The following LMO7 variants were observed in gnomAD, a reference collection of about 807,000 sequenced individuals.
LMO7 encodes LIM domain 7.
In LMO7, 120 loss-of-function variants were observed where a neutral mutation model predicts 206.5. The observed-to-expected ratio is 0.58, with a 90% CI of 0.50 to 0.68. The LOEUF (loss-of-function observed/expected upper bound fraction) is 0.68. Among genes scored for constraint, LMO7 ranks in the 30% least tolerant of loss-of-function variants. LMO7 has a pLI of 0.00. For synonymous variants in LMO7, 706 were observed against 681.5 expected, an observed-to-expected ratio of 1.04 and a Z score of -0.56; for missense variants, 1,959 against 1,957.9, an observed-to-expected ratio of 1.00 and a Z score of -0.01.
chr13:75,859,741 G>A lies in LMO7; in HGVS notation c.*1798G>A, dbSNP rs1309661878. 4 of 152,108 alleles carry A rather than the reference G, an allele frequency of 2.6e-5. No individual in the cohort carries two copies. The highest frequency in any genetic ancestry group is 7.2e-5 in the African/African-American group (3 of 41,416). 9.4% of individuals were successfully genotyped at this position (152,108 alleles called of 1,614,324 possible). A position where few individuals can be genotyped will look rare whatever the true frequency, so the allele number is the denominator to read the frequency against. ...TGGCTTCGACTCCTATAAGCAGCAC[G>A]TGGGCTTGTTCATCTCACTGCATGT... On this transcript the variant is annotated 3_prime_UTR_variant, in exon 31 of 31. Coordinates refer to ENST00000377534, the MANE Select transcript of LMO7 (RefSeq NM_001306080.2).
chr13:75,816,992 A>T, intron 11 of LMO7, 169 bp from the exon 12 acceptor site: 1 of 469,750 alleles, frequency 2.1e-6, no homozygotes, highest in East Asian at 3.3e-5. Context: ...CTTGTTTCTG[A>T]GTTTTGGAAA....
chr13:75,620,648 T>C (rs182941279), exon 1 of LMO7: 5 of 152,274 alleles, frequency 3.3e-5, no homozygotes, highest in East Asian at 1.9e-4. Flanking sequence ...TAGAACCCAG[T>C]TGGGGAAGTG....
chr13:75,852,784 TGCCCAACTGTAG>T (rs2060598186), intron 27 of LMO7, among the ~76,000 whole-genome samples: 1 of 152,226 alleles, frequency 6.6e-6, no homozygotes, highest in African/African-American at 2.4e-5. Context: ...TGCTTGATTT[TGCCCAACTGTAG>T]GCTAAGGTAA....
At chr13:75,658,629 G>C (rs895440397) in intron 1 of LMO7, among the ~76,000 whole-genome samples, 7 of 152,214 alleles carry the variant, frequency 4.6e-5, no homozygotes, top group Admixed American at 3.9e-4. Flanking sequence ...TGTCGCCCAG[G>C]CTGGAGTGCA....
intron 1 of LMO7, among the ~76,000 whole-genome samples, chr13:75,687,016 T>C (rs910637104): frequency 6.6e-6 from 1 of 152,152 alleles, no homozygotes; most frequent in Non-Finnish European, 1.5e-5. Flanking sequence ...TACCTCCTAA[T>C]ACTGTCACAT....
At chr13:75,723,406 G>T (rs1226955989) in intron 2 of LMO7, among the ~76,000 whole-genome samples, 1 of 152,070 alleles carries the variant, frequency 6.6e-6, no homozygotes, top group African/African-American at 2.4e-5. Flanking sequence ...TTGATATGTT[G>T]TTCAATGTCA....
intron 3 of LMO7, among the ~76,000 whole-genome samples, chr13:75,756,210 A>G (rs1416478050): frequency 1.3e-5 from 2 of 152,174 alleles, no homozygotes; most frequent in Non-Finnish European, 2.9e-5. Flanking sequence ...GCAAGAGACC[A>G]AGGTAGAGAA....
At chr13:75,672,240 A>ATT (rs568135884) in intron 1 of LMO7, among the ~76,000 whole-genome samples, 31 of 131,580 alleles carry the variant, frequency 2.4e-4, no homozygotes, top group Non-Finnish European at 3.4e-4. Flanking sequence ...TTAAAAAAAG[A>ATT]TTTTTTTTTT....
chr13:75,633,320 T>C (rs145706742), upstream of LMO7, among the ~76,000 whole-genome samples: 48 of 152,312 alleles, frequency 3.2e-4, no homozygotes, highest in African/African-American at 1.1e-3. Context: ...ACAGTTGTAT[T>C]CCTGAAGCTT....
chr13:75,708,304 G>T (rs2042809490), intron 1 of LMO7, among the ~76,000 whole-genome samples: 2 of 152,216 alleles, frequency 1.3e-5, no homozygotes, highest in South Asian at 4.1e-4. Context: ...TCAGACTTCA[G>T]TTCTTTTTCT....
chr13:75,623,555 G>T (rs1211309742), intron 2 of LMO7, among the ~76,000 whole-genome samples: 2 of 151,678 alleles, frequency 1.3e-5, no homozygotes, highest in Non-Finnish European at 2.9e-5. Flanking sequence ...TAGAGACAGG[G>T]TTTCTCCATA....
chr13:75,746,633 C>G (rs955689659), intron 3 of LMO7, among the ~76,000 whole-genome samples: 6 of 152,196 alleles, frequency 3.9e-5, no homozygotes, highest in African/African-American at 1.4e-4. Flanking sequence ...CTAAAGCGAC[C>G]ATTATATGGG....
Position 75,857,975 on chromosome 13 carries a change from A to T in LMO7, c.*32A>T. 6.2e-7 allele frequency: 1 copy of T among 1,609,732 alleles called. No homozygotes were observed. The highest frequency in any genetic ancestry group is 8.5e-7 in the Non-Finnish European group (1 of 1,177,736). Reference sequence around the variant, plus strand: ...CCTCCATACGAAAGCACTGTTGCAGATAGAAGAAGAGGTGGTTGCTGCTCA... The same window carrying T: ...CCTCCATACGAAAGCACTGTTGCAGTTAGAAGAAGAGGTGGTTGCTGCTCA... On this transcript the variant is annotated 3_prime_UTR_variant, in exon 31 of 31. Coordinates refer to ENST00000377534, the MANE Select transcript of LMO7 (RefSeq NM_001306080.2).
At chr13:75,753,311 T>A (rs980560290) in intron 3 of LMO7, among the ~76,000 whole-genome samples, 9 of 152,234 alleles carry the variant, frequency 5.9e-5, no homozygotes, top group African/African-American at 2.2e-4. Context: ...GATATCAGTC[T>A]GCTGTTGGAT....
chr13:75,650,320 G>A (rs2037431780), intron 1 of LMO7, among the ~76,000 whole-genome samples: 1 of 151,720 alleles, frequency 6.6e-6, no homozygotes, highest in African/African-American at 2.4e-5. Flanking sequence ...AGTAGAGACA[G>A]GGTTTCACCA....
chr13:75,669,486 C>G (rs544560012), intron 1 of LMO7, among the ~76,000 whole-genome samples: 1 of 151,936 alleles, frequency 6.6e-6, no homozygotes, highest in Non-Finnish European at 1.5e-5. Flanking sequence ...AGAAGTAAAT[C>G]GGAGATGCGA....
At chr13:75,730,815 T>G (rs1344921082) in intron 3 of LMO7, among the ~76,000 whole-genome samples, 2 of 131,492 alleles carry the variant, frequency 1.5e-5, no homozygotes, top group African/African-American at 6.4e-5. Flanking sequence ...TCTCAGAGAT[T>G]CTGGTATGTT....
At chr13:75,654,728 C>T (rs2037883322) in intron 1 of LMO7, among the ~76,000 whole-genome samples, 1 of 152,224 alleles carries the variant, frequency 6.6e-6, no homozygotes, top group Non-Finnish European at 1.5e-5. Flanking sequence ...ATTCAAGTCT[C>T]ATTACCTAGG....
chr13:75,681,718 G>GTATATATATATATATATATATATATA lies in LMO7; in HGVS notation c.70-31458_70-31433dup, dbSNP rs71127572. The stretch of plus-strand genomic sequence containing the variant: ...TATGTATGTATGTGTATATATATAT[G>GTATATATATATATATATATATATATA]TATATATATATATATATATATATAT... On this transcript the variant is annotated intron_variant, in intron 1 of 30. Transcript: ENST00000377534. Among the ~76,000 whole-genome samples the GTATATATATATATATATATATATATA allele has an allele frequency of 5.6e-4, 59 of 104,472 alleles. 2 individuals carry two copies. The highest frequency in any genetic ancestry group is 8.8e-4 in the Admixed American group (7 of 7,920). 68.5% of individuals were successfully genotyped at this position (104,472 alleles called of 152,430 possible). A position where few individuals can be genotyped will look rare whatever the true frequency, so the allele number is the denominator to read the frequency against.
Sources: gnomAD v4.1 joint callset for allele counts (sites outside exome capture counted in the v4.1 genomes callset) on GRCh38, gnomAD v4.1.1 for gene constraint, MANE v1.5 for transcripts, NCBI Gene and HGNC (gene_info 2026-07-23, HGNC 2026-07-21) for gene names.